The following CISD3 variants were observed in gnomAD, a reference collection of about 807,000 sequenced individuals.
CISD3 encodes the protein CDGSH iron sulfur domain 3.
A neutral mutation model predicts 14.1 loss-of-function variants in CISD3; 11 were observed. The observed-to-expected ratio is 0.78, with a 90% CI of 0.49 to 1.29. CISD3 has a LOEUF of 1.29. Ranked by LOEUF, CISD3 falls within the 50% of genes most tolerant of loss-of-function variation. The pLI is 0.00. For synonymous variants in CISD3, 53 were observed against 69.2 expected (o/e 0.77, Z 1.16); for missense variants, 156 against 171.6 (o/e 0.91, Z 0.51).
At position 38,731,329 on chromosome 17, in the gene CISD3, T is replaced by C; in HGVS notation, c.94T>C (p.Phe32Leu). 1 of 1,551,194 alleles carries C rather than the reference T, an allele frequency of 6.4e-7. No individual in the cohort carries two copies. Among genetic ancestry groups the C allele is most frequent in the Non-Finnish European group, 8.7e-7 (1 of 1,146,904 alleles). ...RDISSWLAQW[F>L]PRTPARSVVA... is the part of the protein sequence containing the mutation. The stretch of plus-strand genomic sequence containing the variant: ...TCTTCCCTGGCCACAGGCCCAGTGG[T>C]TCCCTAGAACCCCAGCCAGGTCCGT... Residue 32 changes from phenylalanine (F) to leucine (L), a missense_variant, in exon 3 of 4, where the codon TTC becomes CTC. Transcript: ENST00000613478.
At chr17:38,732,224 A>G (rs1268711897) in intron 3 of CISD3, among the ~76,000 whole-genome samples, 2 of 152,182 alleles carry the variant, frequency 1.3e-5, no homozygotes, top group African/African-American at 2.4e-5. Context: ...TCAGCAGCCC[A>G]GGGTCCTTGA....
chr17:38,735,233 G>A lies in CISD3; in HGVS notation c.*1778G>A, dbSNP rs770193210. ...AGAGGGTCCCTGGCCTCAAGTTAAG[G>A]GGGGCACGGGAGCGCCGTTGACAGT... is the stretch of plus-strand genomic sequence containing the variant. On this transcript the variant is annotated 3_prime_UTR_variant, in exon 4 of 4. Coordinates refer to ENST00000613478, the MANE Select transcript of CISD3 (RefSeq NM_001136498.2). 3 of 1,428,530 alleles carry A rather than the reference G, an allele frequency of 2.1e-6. No homozygotes were observed. The highest frequency in any genetic ancestry group is 2.8e-6 in the Non-Finnish European group (3 of 1,080,658). The allele number at this position is 1,428,530 out of a possible 1,614,324, so 88.5% of individuals were successfully genotyped here.
chr17:38,732,108 A>G (rs1305981900), intron 3 of CISD3, among the ~76,000 whole-genome samples: 1 of 152,038 alleles, frequency 6.6e-6, no homozygotes, highest in Non-Finnish European at 1.5e-5. Flanking sequence ...TCTGCCCAGG[A>G]GCCTTTCGTC....
chr17:38,731,247 G>C, intron 2 of CISD3, 73 bp from the exon 3 acceptor site: 1 of 1,523,882 alleles, frequency 6.6e-7, no homozygotes, highest in Non-Finnish European at 8.8e-7. Flanking sequence ...TGGGAAACTA[G>C]GAAGGGTCGC....
intron 1 of CISD3, 40 bp downstream of exon 1, chr17:38,730,446 C>T (rs1331011078): frequency 1.6e-6 from 2 of 1,283,000 alleles, no homozygotes; most frequent in South Asian, 1.8e-5. Context: ...GTCCCGAACC[C>T]CAGCCGGGCC....
intron 2 of CISD3, 114 bp downstream of exon 2, chr17:38,730,909 G>T (rs2143731234): frequency 2.5e-6 from 3 of 1,183,104 alleles, no homozygotes; most frequent in East Asian, 5.1e-5. Flanking sequence ...CCTGGAGTTA[G>T]CCCGTGGCTC....
At chr17:38,730,627 C>A in intron 1 of CISD3, 133 bp from the exon 2 acceptor site, 1 of 945,050 alleles carries the variant, frequency 1.1e-6, no homozygotes, top group Non-Finnish European at 1.7e-6. Flanking sequence ...CCTCTCATTC[C>A]TCCCTCGCCC....
chr17:38,731,041 C>T (rs1906310620), intron 2 of CISD3: 2 of 633,994 alleles, frequency 3.2e-6, no homozygotes, highest in East Asian at 5.5e-5. Flanking sequence ...GGAAGGATCC[C>T]AGCCCGCCTT....
At chr17:38,731,533 C>A in intron 3 of CISD3, 94 bp downstream of exon 3, 2 of 1,492,942 alleles carry the variant, frequency 1.3e-6, no homozygotes, top group South Asian at 1.3e-5. Flanking sequence ...TTATTCTTCC[C>A]ACACATACCT....
At position 38,733,270 on chromosome 17, in the gene CISD3, C is replaced by T. The variant is rs1481041215; in HGVS notation, c.205-6C>T. The T allele has an allele frequency of 6.4e-6, 10 of 1,551,428 alleles. No homozygotes were observed. Among genetic ancestry groups the T allele is most frequent in the Non-Finnish European group, 8.7e-6 (10 of 1,146,974 alleles). ...AGGTCTTTGACTCCTGTCTTTCCCCCACCAGCCCTTCTGTGACGGCTCCCA... is the reference window on the plus strand; with the variant it reads ...AGGTCTTTGACTCCTGTCTTTCCCCTACCAGCCCTTCTGTGACGGCTCCCA... On this transcript the variant is annotated splice_polypyrimidine_tract_variant and splice_region_variant and intron_variant, in intron 3 of 3. Transcript: ENST00000613478.
intron 2 of CISD3, chr17:38,731,004 CCA>C (rs1906308642): frequency 1.6e-6 from 1 of 643,272 alleles, no homozygotes; most frequent in South Asian, 2.0e-5. Flanking sequence ...GAACCAAGCC[CCA>C]GTGTGGGTGG....
chr17:38,730,540 C>A lies in CISD3; in HGVS notation c.48+134C>A, dbSNP rs929240652. ...CCCGCCGGTGTCTGGCTTGCCTCAG[C>A]TCACAGGCTTTTCCCGAGCGCCAGT... On this transcript the variant is annotated intron_variant, in intron 1 of 3. Coordinates refer to ENST00000613478, the MANE Select transcript of CISD3 (RefSeq NM_001136498.2). The A allele has an allele frequency of 3.7e-5, 34 of 920,166 alleles. No homozygotes were observed. In the South Asian group the frequency reaches 5.3e-4, roughly 14 times the overall value. The allele number at this position is 920,166 out of a possible 1,614,324, so 57.0% of individuals were successfully genotyped here.
Position 38,735,502 on chromosome 17 carries a change from C to A in CISD3, c.*2047C>A, listed in dbSNP as rs1278162521. ...CGCTGACTGACTCACACTCGGACGC[C>A]CCGCTGGTGTTGGTGCCCTCGGAGG... On this transcript the variant is annotated 3_prime_UTR_variant, in exon 4 of 4. Transcript: ENST00000613478. 1.3e-6 allele frequency: 2 copies of A among 1,593,026 alleles called. No individual in the cohort carries two copies. The highest frequency in any genetic ancestry group is 2.3e-5 in the South Asian group (2 of 87,918).
Position 38,733,776 on chromosome 17 carries a change from T to C in CISD3, c.*321T>C. 1 of 319,680 alleles carries C rather than the reference T, an allele frequency of 3.1e-6. No individual in the cohort carries two copies. Among genetic ancestry groups the C allele is most frequent in the Non-Finnish European group, 5.8e-6 (1 of 173,840 alleles). 19.8% of individuals were successfully genotyped at this position (319,680 alleles called of 1,614,324 possible). On this transcript the variant is annotated 3_prime_UTR_variant, in exon 4 of 4. Coordinates refer to ENST00000613478, the MANE Select transcript of CISD3 (RefSeq NM_001136498.2). ...AACCTCTCTGTGGGCTGGGGGCACC[T>C]GACCAGCCACAGGAGAGGGCAGTTC...
At chr17:38,732,945 ACACACACACACACACACACACACT>A (rs1906401025) in intron 3 of CISD3, among the ~76,000 whole-genome samples, 2 of 108,366 alleles carry the variant, frequency 1.8e-5, no homozygotes, top group South Asian at 5.6e-4. Flanking sequence ...AGAGACACAC[ACACACACACACACACACACACACT>A]CACACTCTAT....
chr17:38,735,231 A>AG lies in CISD3; in HGVS notation c.*1782dup. On this transcript the variant is annotated 3_prime_UTR_variant, in exon 4 of 4. Coordinates refer to ENST00000613478, the MANE Select transcript of CISD3 (RefSeq NM_001136498.2). ...GGAGAGGGTCCCTGGCCTCAAGTTA[A>AG]GGGGGGCACGGGAGCGCCGTTGACA... The AG allele has an allele frequency of 2.1e-6, 3 of 1,425,134 alleles. No individual in the cohort carries two copies. Among genetic ancestry groups the AG allele is most frequent in the Non-Finnish European group, 2.8e-6 (3 of 1,079,122 alleles). The allele number at this position is 1,425,134 out of a possible 1,614,324, so 88.3% of individuals were successfully genotyped here. A position where few individuals can be genotyped will look rare whatever the true frequency, so the allele number is the denominator to read the frequency against.
chr17:38,735,347 GA>G lies in CISD3; in HGVS notation c.*1894del. 6.4e-7 allele frequency: 1 copy of G among 1,558,104 alleles called. No homozygotes were observed. The highest frequency in any genetic ancestry group is 8.7e-7 in the Non-Finnish European group (1 of 1,148,808). On this transcript the variant is annotated 3_prime_UTR_variant, in exon 4 of 4. Transcript: ENST00000613478. The stretch of plus-strand genomic sequence containing the variant: ...AGCTGTGGTGGCCCCACTGGCTGTC[GA>G]AGGGGGAGTGGGGGAGGTAGGGTGG...
rs1386719525 is a variant in CISD3, at chr17:38,734,482, ATCT to A, written c.*1032_*1034del. 3 of 151,798 alleles carry A rather than the reference ATCT, an allele frequency of 2.0e-5. No individual in the cohort carries two copies. Among genetic ancestry groups the A allele is most frequent in the African/African-American group, 4.9e-5 (2 of 41,230 alleles). 9.4% of individuals were successfully genotyped at this position (151,798 alleles called of 1,614,324 possible). A position where few individuals can be genotyped will look rare whatever the true frequency, so the allele number is the denominator to read the frequency against. On this transcript the variant is annotated 3_prime_UTR_variant, in exon 4 of 4. Coordinates refer to ENST00000613478, the MANE Select transcript of CISD3 (RefSeq NM_001136498.2). Reference sequence around the variant, plus strand: ...AGAGCTGAGACCTCTCAGGGCCTGAATCTTCTTTTCCACAAGATAAATGATGCA... The same window carrying A: ...AGAGCTGAGACCTCTCAGGGCCTGAATCTTTTCCACAAGATAAATGATGCA...
intron 2 of CISD3, 68 bp from the exon 3 acceptor site, chr17:38,731,252 G>A (rs1444249279): frequency 1.3e-6 from 2 of 1,528,238 alleles, no homozygotes; most frequent in East Asian, 2.5e-5. Context: ...AACTAGGAAG[G>A]GTCGCAGGCC....
Sources: allele counts gnomAD v4.1 joint callset (sites outside exome capture counted in the v4.1 genomes callset), GRCh38; gene constraint gnomAD v4.1.1; transcripts MANE v1.5; gene names NCBI Gene and HGNC (gene_info 2026-07-23, HGNC 2026-07-21).